ORC3: variants seen among roughly 807,000 people sequenced by gnomAD.
ORC3 encodes origin recognition complex subunit 3.
A neutral mutation model predicts 100.7 loss-of-function variants in ORC3; 78 were observed. That is an observed-to-expected ratio of 0.77 (90% CI 0.65 to 0.94). ORC3 has a LOEUF of 0.94. ORC3 is among the 40% of genes least tolerant of loss of function. The probability of loss-of-function intolerance (pLI) is 0.00; values close to 1 mark genes in which losing one functional copy is unlikely to be tolerated. For missense variants in ORC3, 789 were observed against 823.9 expected (o/e 0.96, Z 0.52); for synonymous variants, 295 against 289.3 (o/e 1.02, Z -0.20).
chr6:87,643,938 T>C (rs936608309), intron 13 of ORC3, among the ~76,000 whole-genome samples: 1 of 152,156 alleles, frequency 6.6e-6, no homozygotes, highest in African/African-American at 2.4e-5. Flanking sequence ...GTTGTTACAT[T>C]GTATTGTTTA....
intron 2 of ORC3, among the ~76,000 whole-genome samples, chr6:87,597,008 C>T (rs938547943): frequency 9.9e-5 from 15 of 152,176 alleles, no homozygotes; most frequent in African/African-American, 3.4e-4. Flanking sequence ...TGACCTTATT[C>T]AATTCCAACT....
intron 7 of ORC3, chr6:87,609,597 C>G (rs1778599070): frequency 1.3e-5 from 2 of 156,762 alleles, no homozygotes; most frequent in Non-Finnish European, 1.4e-5. Flanking sequence ...TTCTGTTGCC[C>G]AGGCTGGAGT....
At chr6:87,607,615 T>A in intron 5 of ORC3, 58 bp from the exon 6 acceptor site, 1 of 1,412,952 alleles carries the variant, frequency 7.1e-7, no homozygotes. Context: ...TTTCAAGAGC[T>A]TTGGTTTTAT....
rs368793174 is a variant in ORC3, at chr6:87,605,021, G to A, written c.323-896G>A. Reference sequence around the variant, plus strand: ...TAGAAATCACAGATGGTTATGTTAGGGAAGATACCAGTTAACAGAATTTTT... The same window carrying A: ...TAGAAATCACAGATGGTTATGTTAGAGAAGATACCAGTTAACAGAATTTTT... On this transcript the variant is annotated intron_variant, in intron 4 of 19. Coordinates refer to ENST00000392844, the MANE Select transcript of ORC3 (RefSeq NM_012381.4). Among the ~76,000 whole-genome samples, 994 of 152,162 alleles carry A rather than the reference G, an allele frequency of 6.5e-3. 4 individuals carry two copies. The highest frequency in any genetic ancestry group is 9.7e-3 in the Non-Finnish European group (658 of 68,004).
chr6:87,663,291 T>A, intron 17 of ORC3, 147 bp downstream of exon 17: 1 of 578,508 alleles, frequency 1.7e-6, no homozygotes, highest in Non-Finnish European at 2.9e-6. Context: ...AAAAATTCTT[T>A]AGACTGTAGA....
chr6:87,622,491 GA>G (rs1779606378), intron 11 of ORC3, among the ~76,000 whole-genome samples: 2 of 152,102 alleles, frequency 1.3e-5, no homozygotes, highest in East Asian at 3.8e-4. Context: ...AATGAGCTTA[GA>G]AAATTATCAG....
chr6:87,613,378 A>G (rs1778921922), intron 8 of ORC3, among the ~76,000 whole-genome samples: 1 of 152,210 alleles, frequency 6.6e-6, no homozygotes, highest in South Asian at 2.1e-4. Flanking sequence ...GGTCCCTCCC[A>G]TAGCACTTGG....
At chr6:87,604,922 G>C (rs1029374841) in intron 4 of ORC3, among the ~76,000 whole-genome samples, 3 of 152,142 alleles carry the variant, frequency 2.0e-5, no homozygotes, top group Admixed American at 2.0e-4. Context: ...AGCAATGAAA[G>C]TTTTGCAGCT....
chr6:87,634,902 G>C lies in ORC3; in HGVS notation c.1243G>C (p.Val415Leu). Residue 415 changes from valine (V) to leucine (L), a missense_variant, in exon 12 of 20, where the codon GTT (valine) becomes CTT (leucine). Transcript: ENST00000392844. ...TGTTTATCATATGAATTACTTCCTG[G>C]TTTTGAGATGTCTTCATAAGTTCAC... is the stretch of plus-strand genomic sequence containing the variant. Reference protein sequence around the residue: ...LHVYHMNYFLVLRCLHKFTSS... With the variant: ...LHVYHMNYFLLLRCLHKFTSS... 1 of 1,608,424 alleles carries C rather than the reference G, an allele frequency of 6.2e-7. No homozygotes were observed. The highest frequency in any genetic ancestry group is 1.1e-5 in the South Asian group (1 of 90,952).
At chr6:87,618,485 C>T (rs1779316846) in intron 9 of ORC3, among the ~76,000 whole-genome samples, 1 of 151,746 alleles carries the variant, frequency 6.6e-6, no homozygotes, top group South Asian at 2.1e-4. Flanking sequence ...AACAGTAAAC[C>T]CACAAATCTG....
chr6:87,608,261 ATTTGT>A (rs1203828196), intron 6 of ORC3, among the ~76,000 whole-genome samples: 5 of 152,200 alleles, frequency 3.3e-5, no homozygotes, highest in Non-Finnish European at 7.3e-5. Context: ...CTAAAGTCTA[ATTTGT>A]TTTATGTTTA....
At position 87,617,136 on chromosome 6, in the gene ORC3, G is replaced by T. The variant is rs372858848; in HGVS notation, c.987+709G>T. ...CATGCTACATGTGGTCACTGCTGTT[G>T]CTGTTTCTGTTTCTTCTTCTTTAAT... On this transcript the variant is annotated intron_variant, in intron 9 of 19. Transcript: ENST00000392844. Among the ~76,000 whole-genome samples, 219 of 152,222 alleles carry T rather than the reference G, an allele frequency of 1.4e-3. 10 individuals are homozygous for T. The South Asian group carries it at 0.042, about 29-fold the overall frequency.
chr6:87,646,722 T>C (rs1043784559), intron 13 of ORC3, among the ~76,000 whole-genome samples: 3 of 152,240 alleles, frequency 2.0e-5, no homozygotes, highest in African/African-American at 4.8e-5. Context: ...CTTTACATTC[T>C]CCTTTAGTGC....
At chr6:87,597,085 G>A (rs1468392697) in intron 2 of ORC3, among the ~76,000 whole-genome samples, 1 of 151,968 alleles carries the variant, frequency 6.6e-6, no homozygotes, top group Non-Finnish European at 1.5e-5. Context: ...GAAGTGTTTT[G>A]GTTATTGGAA....
chr6:87,603,704 TC>T lies in ORC3; in HGVS notation c.322+178del, dbSNP rs548739564. Among the ~76,000 whole-genome samples the T allele has an allele frequency of 7.9e-5, 12 of 152,336 alleles. No individual in the cohort carries two copies. The East Asian group carries it at 2.3e-3, about 29-fold the overall frequency. On this transcript the variant is annotated intron_variant, in intron 4 of 19. Coordinates refer to ENST00000392844, the MANE Select transcript of ORC3 (RefSeq NM_012381.4). Reference sequence around the variant, plus strand: ...CATATTTTCAAAAACCAATAAAAATTCCTTATCTTTACAGACGATCATATGT... The same window carrying T: ...CATATTTTCAAAAACCAATAAAAATTCTTATCTTTACAGACGATCATATGT...
chr6:87,591,443 G>A (rs1411216252), intron 1 of ORC3, among the ~76,000 whole-genome samples: 2 of 152,162 alleles, frequency 1.3e-5, no homozygotes, highest in African/African-American at 4.8e-5. Context: ...ACAAGCCCTG[G>A]GGTTTAAGGT....
In ORC3 at chr6:87,635,348, AGCAGTACTTCT is replaced by A. The variant is rs1166139074; in HGVS notation, c.1302+390_1302+400del. Among the ~76,000 whole-genome samples, 5 of 152,210 alleles carry A rather than the reference AGCAGTACTTCT, an allele frequency of 3.3e-5. No individual in the cohort carries two copies. The South Asian group carries it at 8.3e-4, about 25-fold the overall frequency. On this transcript the variant is annotated intron_variant, in intron 12 of 19. Transcript: ENST00000392844. ...GCACTACACCCAGAATAAAAAGAGA[AGCAGTACTTCT>A]GCTGCTTGAAAAATTATGCTCAGCT...
intron 2 of ORC3, among the ~76,000 whole-genome samples, chr6:87,600,689 A>G (rs1213115237): frequency 1.3e-5 from 2 of 152,242 alleles, no homozygotes; most frequent in Non-Finnish European, 2.9e-5. Flanking sequence ...TATTTAGACT[A>G]TAAGGGCATG....
chr6:87,624,897 G>A (rs1156446265), intron 11 of ORC3, among the ~76,000 whole-genome samples: 7 of 152,052 alleles, frequency 4.6e-5, no homozygotes, highest in Non-Finnish European at 8.8e-5. Flanking sequence ...CCCTGTGTCC[G>A]TGTGTTCTCA....
Sources: gnomAD v4.1 joint callset for allele counts (sites outside exome capture counted in the v4.1 genomes callset) on GRCh38, gnomAD v4.1.1 for gene constraint, MANE v1.5 for transcripts, NCBI Gene and HGNC (gene_info 2026-07-23, HGNC 2026-07-21) for gene names.